The following CACNB2 variants were observed in gnomAD, a reference collection of about 807,000 sequenced individuals.
CACNB2 encodes the protein calcium voltage-gated channel auxiliary subunit beta 2.
A neutral mutation model predicts 73.3 loss-of-function variants in CACNB2; 42 were observed. That is an observed-to-expected ratio of 0.57 (90% CI 0.45 to 0.74). CACNB2 has a LOEUF of 0.74. Ranked by LOEUF, CACNB2 falls within the 30% of genes least tolerant of loss-of-function variation. The pLI is 0.00. For missense variants in CACNB2, 940 were observed against 853.0 expected (o/e 1.10, Z -1.27); for synonymous variants, 348 against 310.3 (o/e 1.12, Z -1.28).
intron 3 of CACNB2, among the ~76,000 whole-genome samples, chr10:18,412,072 T>A (rs1564520111): frequency 6.6e-6 from 1 of 152,202 alleles, no homozygotes; most frequent in African/African-American, 2.4e-5. Flanking sequence ...TCAGCATGTG[T>A]GTCTCGTTCT....
intron 3 of CACNB2, among the ~76,000 whole-genome samples, chr10:18,483,094 A>G (rs953653775): frequency 2.0e-5 from 3 of 152,194 alleles, no homozygotes; most frequent in African/African-American, 7.2e-5. Flanking sequence ...AAAGGTTTTA[A>G]GAGTTTCTAG....
At chr10:18,427,838 A>G (rs531665846) in intron 3 of CACNB2, among the ~76,000 whole-genome samples, 15 of 152,174 alleles carry the variant, frequency 9.9e-5, no homozygotes, top group African/African-American at 3.4e-4. Context: ...TTTTTACTCA[A>G]TAAATCTCAC....
chr10:18,210,927 A>C (rs1393206604), intron 2 of CACNB2, among the ~76,000 whole-genome samples: 1 of 152,216 alleles, frequency 6.6e-6, no homozygotes, highest in East Asian at 1.9e-4. Context: ...TCTTATCTGC[A>C]TGCCTTCAGA....
intron 2 of CACNB2, among the ~76,000 whole-genome samples, chr10:18,316,050 A>T (rs1388286336): frequency 1.3e-5 from 2 of 152,228 alleles, no homozygotes; most frequent in African/African-American, 4.8e-5. Flanking sequence ...TGTATTTGAC[A>T]ACTGACTCTC....
intron 2 of CACNB2, among the ~76,000 whole-genome samples, chr10:18,319,924 G>A (rs371106927): frequency 4.9e-4 from 74 of 152,242 alleles, no homozygotes; most frequent in African/African-American, 1.6e-3. Flanking sequence ...AGAGGCCAGG[G>A]CAGCTGGAGT....
In CACNB2 at chr10:18,360,951, A is replaced by G. The variant is rs536782922; in HGVS notation, c.214-40973A>G. ...TCAAAGCCAAGAGGTTTTGTCCACA[A>G]TTCAAATTCCTGCTGACCTTTCTTT... On this transcript the variant is annotated intron_variant, in intron 2 of 13. Coordinates refer to ENST00000324631, the MANE Select transcript of CACNB2 (RefSeq NM_201596.3). 1.1e-4 allele frequency among the ~76,000 whole-genome samples: 17 copies of G among 152,286 alleles called. No homozygotes were observed. The South Asian group carries it at 3.5e-3, about 32-fold the overall frequency.
At chr10:18,340,504 T>C (rs1156279374) in intron 2 of CACNB2, among the ~76,000 whole-genome samples, 2 of 152,194 alleles carry the variant, frequency 1.3e-5, no homozygotes, top group African/African-American at 4.8e-5. Context: ...TGCAACCTGT[T>C]GTTCTGTTCT....
At chr10:18,301,388 A>C (rs1456656827) in intron 2 of CACNB2, among the ~76,000 whole-genome samples, 1 of 151,986 alleles carries the variant, frequency 6.6e-6, no homozygotes, top group Non-Finnish European at 1.5e-5. Flanking sequence ...TGAGGCCAGG[A>C]GTTTGAAACC....
intron 2 of CACNB2, among the ~76,000 whole-genome samples, chr10:18,199,439 T>G (rs961768419): frequency 2.6e-5 from 4 of 152,150 alleles, no homozygotes; most frequent in Non-Finnish European, 5.9e-5. Flanking sequence ...AGCAAAGTTC[T>G]GAGTAAACCT....
In CACNB2 at chr10:18,540,735, T is replaced by TAAGAA. The variant is rs1554843847; in HGVS notation, c.*1013_*1017dup. 4 of 152,720 alleles carry TAAGAA rather than the reference T, an allele frequency of 2.6e-5. No homozygotes were observed. In the South Asian group the frequency reaches 8.3e-4, roughly 32 times the overall value. The allele number at this position is 152,720 out of a possible 1,614,324, so 9.5% of individuals were successfully genotyped here. A position where few individuals can be genotyped will look rare whatever the true frequency, so the allele number is the denominator to read the frequency against. On this transcript the variant is annotated 3_prime_UTR_variant, in exon 14 of 14. Coordinates refer to ENST00000324631, the MANE Select transcript of CACNB2 (RefSeq NM_201596.3). ...ATATGCACGTGTGTGTGTCCGTATGTAAGAAAGTGTGCACCGAGTGACTGA... is the reference window on the plus strand; with the variant it reads ...ATATGCACGTGTGTGTGTCCGTATGTAAGAAAAGAAAGTGTGCACCGAGTGACTGA...
chr10:18,305,320 A>G (rs1247128279), intron 2 of CACNB2, among the ~76,000 whole-genome samples: 1 of 152,216 alleles, frequency 6.6e-6, no homozygotes, highest in Non-Finnish European at 1.5e-5. Context: ...CAATATTCAG[A>G]GGAAAAGTAA....
At chr10:18,266,007 C>T (rs2037781510) in intron 2 of CACNB2, among the ~76,000 whole-genome samples, 1 of 152,152 alleles carries the variant, frequency 6.6e-6, no homozygotes. Context: ...GTGTGATCAC[C>T]TTTGAGCTTT....
chr10:18,296,002 T>G lies in CACNB2; in HGVS notation c.214-105922T>G, dbSNP rs1033475427. ...AAATCACTATTCTTTTTGCGTGTTT[T>G]TTTTTTTTTTTTTTTTTTTTTTACC... On this transcript the variant is annotated intron_variant, in intron 2 of 13. Coordinates refer to ENST00000324631, the MANE Select transcript of CACNB2 (RefSeq NM_201596.3). Among the ~76,000 whole-genome samples, 8 of 123,242 alleles carry G rather than the reference T, an allele frequency of 6.5e-5. No homozygotes were observed. The East Asian group carries it at 9.9e-4, about 15-fold the overall frequency. 80.9% of individuals were successfully genotyped at this position (123,242 alleles called of 152,430 possible).
intron 3 of CACNB2, among the ~76,000 whole-genome samples, chr10:18,442,949 T>G (rs1285867743): frequency 5.1e-5 from 1 of 19,600 alleles, no homozygotes; most frequent in Non-Finnish European, 7.5e-5. Flanking sequence ...TATGTGTATA[T>G]ATATATATGT....
chr10:18,529,670 TA>T (rs1217174056), intron 10 of CACNB2, among the ~76,000 whole-genome samples: 1 of 152,182 alleles, frequency 6.6e-6, no homozygotes, highest in Admixed American at 6.5e-5. Context: ...TATATTGTTT[TA>T]AAAAGAAGGA....
chr10:18,251,242 T>TC, intron 2 of CACNB2, among the ~76,000 whole-genome samples: 1 of 151,438 alleles, frequency 6.6e-6, no homozygotes, highest in Non-Finnish European at 1.5e-5. Flanking sequence ...GTCTCTCGGC[T>TC]CTTTTTTTTT....
chr10:18,307,821 T>C (rs1305266981), intron 2 of CACNB2, among the ~76,000 whole-genome samples: 3 of 152,064 alleles, frequency 2.0e-5, no homozygotes, highest in Non-Finnish European at 4.4e-5. Flanking sequence ...AAATCAATGA[T>C]AATGAAAGAA....
intron 2 of CACNB2, among the ~76,000 whole-genome samples, chr10:18,379,322 C>T (rs906432208): frequency 6.6e-6 from 1 of 152,156 alleles, no homozygotes; most frequent in Non-Finnish European, 1.5e-5. Flanking sequence ...AAGCGATTCT[C>T]GTGCCTCAGG....
At chr10:18,190,013 A>G (rs1198122126) in intron 2 of CACNB2, among the ~76,000 whole-genome samples, 6 of 152,204 alleles carry the variant, frequency 3.9e-5, no homozygotes, top group Non-Finnish European at 8.8e-5. Context: ...AATCTTCAGC[A>G]CTTGAATGAT....
Sources: gnomAD v4.1 joint callset for allele counts (sites outside exome capture counted in the v4.1 genomes callset) on GRCh38, gnomAD v4.1.1 for gene constraint, MANE v1.5 for transcripts, NCBI Gene and HGNC (gene_info 2026-07-23, HGNC 2026-07-21) for gene names.